Variants in CTNNA3 observed in about 807,000 individuals in gnomAD.
The protein encoded by CTNNA3 is catenin alpha-3.
A neutral mutation model predicts 95.7 loss-of-function variants in CTNNA3; 76 were observed. The observed-to-expected ratio is 0.79, with a 90% CI of 0.66 to 0.96. The LOEUF (loss-of-function observed/expected upper bound fraction) is 0.96. Ranked by LOEUF, CTNNA3 falls within the 40% of genes least tolerant of loss-of-function variation. The probability of loss-of-function intolerance (pLI) is 0.00; values close to 1 mark genes in which losing one functional copy is unlikely to be tolerated. For synonymous variants in CTNNA3, 431 were observed against 374.4 expected (o/e 1.15, Z -1.74); for missense variants, 1,191 against 1,089.8 (o/e 1.09, Z -1.31).
chr10:66,502,609 A>C (rs1840314729), intron 11 of CTNNA3, among the ~76,000 whole-genome samples: 1 of 152,160 alleles, frequency 6.6e-6, no homozygotes, highest in Non-Finnish European at 1.5e-5. Context: ...ACTGTCCATA[A>C]AACTTGCTCA....
intron 9 of CTNNA3, among the ~76,000 whole-genome samples, chr10:66,645,299 C>G (rs1402024364): frequency 6.4e-4 from 98 of 151,940 alleles, no homozygotes; most frequent in Non-Finnish European, 5.9e-5. Context: ...AATATTTTTT[C>G]CTATTTTGTT....
chr10:66,355,570 ACT>A (rs2092602303), intron 12 of CTNNA3, among the ~76,000 whole-genome samples: 1 of 151,320 alleles, frequency 6.6e-6, no homozygotes, highest in Admixed American at 6.6e-5. Context: ...GGAATAGGAA[ACT>A]CTTTATTTTT....
intron 11 of CTNNA3, among the ~76,000 whole-genome samples, chr10:66,393,055 A>C (rs2092946455): frequency 6.6e-6 from 1 of 152,162 alleles, no homozygotes; most frequent in Non-Finnish European, 1.5e-5. Context: ...AATGTACAAA[A>C]AGCGATGAAA....
Position 67,011,032 on chromosome 10 carries a change from C to T in CTNNA3, c.1047+169285G>A, listed in dbSNP as rs1463545583. Among the ~76,000 whole-genome samples the T allele has an allele frequency of 2.6e-5, 4 of 152,016 alleles. No homozygotes were observed. The East Asian group carries it at 7.7e-4, about 29-fold the overall frequency. On this transcript the variant is annotated intron_variant, in intron 7 of 17. Coordinates refer to ENST00000433211, the MANE Select transcript of CTNNA3 (RefSeq NM_013266.4). ...TTAAACTGAAATTAAGATTATTTGT[C>T]AACTATGTCAATATAGGCCAGGCGC...
chr10:67,541,606 TATCTC>T (rs1840686914), intron 3 of CTNNA3, among the ~76,000 whole-genome samples: 2 of 152,074 alleles, frequency 1.3e-5, no homozygotes, highest in Non-Finnish European at 1.5e-5. Context: ...AAATATGACT[TATCTC>T]ATAGTGTTTC....
At chr10:66,521,257 T>A (rs923699960) in intron 10 of CTNNA3, among the ~76,000 whole-genome samples, 18 of 152,000 alleles carry the variant, frequency 1.2e-4, no homozygotes, top group Non-Finnish European at 1.2e-4. Context: ...CAGAGTGAGT[T>A]TTTTAAATAT....
At chr10:66,229,683 T>C (rs568961073) in intron 13 of CTNNA3, among the ~76,000 whole-genome samples, 16 of 152,238 alleles carry the variant, frequency 1.1e-4, no homozygotes, top group East Asian at 7.7e-4. Context: ...AATTTCAGTA[T>C]AGTTTGCCTC....
At chr10:66,576,534 A>G (rs1843009066) in intron 10 of CTNNA3, among the ~76,000 whole-genome samples, 1 of 151,842 alleles carries the variant, frequency 6.6e-6, no homozygotes, top group South Asian at 2.1e-4. Flanking sequence ...CTTTGTGTCC[A>G]TTTATATTCA....
At chr10:65,972,257 A>G (rs1291989547) in intron 16 of CTNNA3, among the ~76,000 whole-genome samples, 1 of 152,056 alleles carries the variant, frequency 6.6e-6, no homozygotes, top group Non-Finnish European at 1.5e-5. Flanking sequence ...CTAAAGCTGA[A>G]ACCAATCTCC....
At chr10:66,225,187 T>C (rs545235779) in intron 13 of CTNNA3, among the ~76,000 whole-genome samples, 1 of 151,850 alleles carries the variant, frequency 6.6e-6, no homozygotes, top group Admixed American at 6.6e-5. Flanking sequence ...CCAACGTCTC[T>C]ATCCTTTCCT....
intron 15 of CTNNA3, among the ~76,000 whole-genome samples, chr10:66,008,752 C>CTCAAGAT (rs370672861): frequency 7.0e-4 from 107 of 152,210 alleles, no homozygotes; most frequent in Non-Finnish European, 1.4e-3. Context: ...TAAAAACAAT[C>CTCAAGAT]TCAAGATGCA....
chr10:66,038,328 G>A (rs746044050), intron 15 of CTNNA3, among the ~76,000 whole-genome samples: 17 of 152,270 alleles, frequency 1.1e-4, no homozygotes, highest in Middle Eastern at 3.4e-3. Flanking sequence ...CCAGTGGCAA[G>A]GAGTCTCAGG....
chr10:67,483,110 G>A (rs1837746966), intron 5 of CTNNA3, among the ~76,000 whole-genome samples: 1 of 151,758 alleles, frequency 6.6e-6, no homozygotes, highest in African/African-American at 2.4e-5. Context: ...TAAAAGGTCA[G>A]GACACAACAG....
chr10:65,950,396 G>T (rs1268116946), intron 17 of CTNNA3, among the ~76,000 whole-genome samples: 1 of 151,088 alleles, frequency 6.6e-6, no homozygotes, highest in African/African-American at 2.4e-5. Context: ...ACAGCTACTT[G>T]ATTTTTTTTT....
intron 1 of CTNNA3, among the ~76,000 whole-genome samples, chr10:67,677,095 C>A (rs1376757443): frequency 6.6e-6 from 1 of 152,150 alleles, no homozygotes; most frequent in African/African-American, 2.4e-5. Context: ...TTCCTCCAGT[C>A]TCCCCAGTGT....
chr10:67,392,433 T>C (rs1844536531), intron 5 of CTNNA3, among the ~76,000 whole-genome samples: 3 of 152,144 alleles, frequency 2.0e-5, no homozygotes, highest in Admixed American at 1.3e-4. Flanking sequence ...TGTGGAGAAA[T>C]AGGAACACTT....
chr10:66,663,216 G>A (rs1208952419), intron 9 of CTNNA3, among the ~76,000 whole-genome samples: 3 of 151,976 alleles, frequency 2.0e-5, no homozygotes, highest in Non-Finnish European at 4.4e-5. Flanking sequence ...AACCTCTAAT[G>A]ATTCCCCCTT....
intron 10 of CTNNA3, among the ~76,000 whole-genome samples, chr10:66,536,188 A>G (rs1195454788): frequency 6.6e-6 from 1 of 151,956 alleles, no homozygotes; most frequent in Non-Finnish European, 1.5e-5. Flanking sequence ...ACAGAGAGAG[A>G]GAAATTAAAA....
At chr10:67,734,103 T>C (rs1281809818) in intron 1 of CTNNA3, among the ~76,000 whole-genome samples, 1 of 152,224 alleles carries the variant, frequency 6.6e-6, no homozygotes, top group East Asian at 1.9e-4. Flanking sequence ...TACCCACTTA[T>C]AGACATAAGA....
Sources: gnomAD v4.1 joint callset for allele counts (sites outside exome capture counted in the v4.1 genomes callset) on GRCh38, gnomAD v4.1.1 for gene constraint, MANE v1.5 for transcripts, NCBI Gene and HGNC (gene_info 2026-07-23, HGNC 2026-07-21) for gene names.